INTS15: variants seen among roughly 807,000 people sequenced by gnomAD.
INTS15 encodes the protein integrator complex subunit 15.
At chr7:6,593,490 G>T in the INTS15 span, among the ~76,000 whole-genome samples, 3 of 151,170 alleles carry the variant, frequency 2.0e-5, no homozygotes, top group African/African-American at 4.9e-5. Context: ...ACCATCAGTG[G>T]TGCCGGCCAA....
the INTS15 span, among the ~76,000 whole-genome samples, chr7:6,593,397 C>T: frequency 6.9e-6 from 1 of 144,004 alleles, no homozygotes; most frequent in Non-Finnish European, 1.5e-5. Context: ...GTGGCGCGAT[C>T]TCGGCTCACT....
At chr7:6,597,831 G>C in the INTS15 span, among the ~76,000 whole-genome samples, 1 of 152,238 alleles carries the variant, frequency 6.6e-6, no homozygotes. Context: ...AATGGTGACT[G>C]AAACCGCTGT....
chr7:6,602,568 G>A, the INTS15 span: 5 of 425,382 alleles, frequency 1.2e-5, no homozygotes, highest in Non-Finnish European at 1.5e-5. Flanking sequence ...GCCCTGTCTG[G>A]GATTGGCTGT....
chr7:6,602,157 C>T, the INTS15 span: 9 of 1,608,804 alleles, frequency 5.6e-6, no homozygotes, highest in South Asian at 1.0e-4. Context: ...ATCCTCAGGA[C>T]TCCTAGCTGG....
the INTS15 span, chr7:6,590,409 G>C: frequency 6.2e-7 from 1 of 1,605,634 alleles, no homozygotes; most frequent in Non-Finnish European, 8.5e-7. Flanking sequence ...TCGTGGACAA[G>C]GGCCCCGTGG....
chr7:6,602,089 C>G, the INTS15 span: 2 of 1,612,092 alleles, frequency 1.2e-6, no homozygotes, highest in Non-Finnish European at 8.5e-7. Flanking sequence ...TCTTGTATCT[C>G]CTTAATTGCA....
chr7:6,599,969 G>A, the INTS15 span: 15 of 1,614,212 alleles, frequency 9.3e-6, no homozygotes, highest in Middle Eastern at 1.6e-4. Context: ...CACCCCGCTC[G>A]TTGGATTGAT....
chr7:6,606,638 G>GGAA, the INTS15 span, among the ~76,000 whole-genome samples: 1 of 152,078 alleles, frequency 6.6e-6, no homozygotes, highest in African/African-American at 2.4e-5. Flanking sequence ...GGAAGCAAGG[G>GGAA]GAAGGCAGGG....
the INTS15 span, among the ~76,000 whole-genome samples, chr7:6,595,029 A>G: frequency 1.0e-4 from 15 of 149,524 alleles, no homozygotes; most frequent in African/African-American, 3.7e-4. Context: ...TGCCCAGCTG[A>G]GTTTTTATTT....
the INTS15 span, among the ~76,000 whole-genome samples, chr7:6,605,012 A>G: frequency 1.3e-5 from 2 of 151,292 alleles, no homozygotes; most frequent in Admixed American, 6.6e-5. Context: ...TGTTTTTTTG[A>G]GACAGAGTCT....
At chr7:6,608,521 A>G in the INTS15 span, 1 of 1,151,416 alleles carries the variant, frequency 8.7e-7, no homozygotes, top group African/African-American at 1.7e-5. Context: ...TTCCTCGTGA[A>G]GACGATGTGT....
At chr7:6,595,066 C>T in the INTS15 span, among the ~76,000 whole-genome samples, 2 of 152,090 alleles carry the variant, frequency 1.3e-5, no homozygotes, top group Non-Finnish European at 2.9e-5. Context: ...GGGTTTCACT[C>T]TGTCACCCTG....
chr7:6,600,535 C>G, the INTS15 span, among the ~76,000 whole-genome samples: 25 of 152,290 alleles, frequency 1.6e-4, no homozygotes, highest in African/African-American at 5.8e-4. Flanking sequence ...CCCTGCTCAC[C>G]CCGTCAGGGT....
the INTS15 span, among the ~76,000 whole-genome samples, chr7:6,592,754 G>A: frequency 6.6e-6 from 1 of 151,486 alleles, no homozygotes; most frequent in Non-Finnish European, 1.5e-5. Context: ...GACCACAGGC[G>A]CACACCACCA....
At chr7:6,592,822 C>G in the INTS15 span, among the ~76,000 whole-genome samples, 6 of 152,080 alleles carry the variant, frequency 3.9e-5, no homozygotes, top group South Asian at 1.0e-3. Flanking sequence ...GTTGCCCAGA[C>G]TGGTCACGAA....
At chr7:6,591,901 G>A in the INTS15 span, 1,232 of 1,594,260 alleles carry the variant, frequency 7.7e-4, 10 homozygotes, top group African/African-American at 0.015. Context: ...GCCGGGTGCG[G>A]TGGCTCATGC....
the INTS15 span, chr7:6,608,550 G>A: frequency 1.8e-6 from 2 of 1,102,698 alleles, no homozygotes; most frequent in South Asian, 2.3e-5. Context: ...GAAAAAGTGG[G>A]CTCCTTCTGC....
the INTS15 span, among the ~76,000 whole-genome samples, chr7:6,600,798 C>T: frequency 2.6e-5 from 4 of 151,938 alleles, no homozygotes; most frequent in Non-Finnish European, 5.9e-5. Flanking sequence ...GCTGGGACTA[C>T]AGGCATGCGC....
chr7:6,599,163 G>T, the INTS15 span, among the ~76,000 whole-genome samples: 1 of 152,148 alleles, frequency 6.6e-6, no homozygotes, highest in African/African-American at 2.4e-5. Context: ...ACTAATTGCT[G>T]GGGTGGAGGG....
Sources: allele counts gnomAD v4.1 joint callset (sites outside exome capture counted in the v4.1 genomes callset), GRCh38; gene constraint gnomAD v4.1.1; transcripts MANE v1.5; gene names NCBI Gene and HGNC (gene_info 2026-07-23, HGNC 2026-07-21).